Variants in STX11 observed in about 807,000 individuals in gnomAD.
STX11 encodes the protein syntaxin 11, also known as syntaxin-11.
In STX11, 21 loss-of-function variants were observed where a neutral mutation model predicts 19.9. The ratio of observed to expected loss-of-function variants is 1.06; its 90% CI spans 0.75 to 1.52. The LOEUF is 1.52. Among genes scored for constraint, STX11 ranks in the 40% most tolerant of loss-of-function variants. The probability of loss-of-function intolerance (pLI) is 0.00; values close to 1 mark genes in which losing one functional copy is unlikely to be tolerated. For synonymous variants in STX11, 193 were observed against 174.4 expected (o/e 1.11, Z -0.84); for missense variants, 438 against 405.9 (o/e 1.08, Z -0.68).
chr6:144,144,335 T>G, the STX11 span, among the ~76,000 whole-genome samples: 2 of 152,174 alleles, frequency 1.3e-5, no homozygotes, highest in Admixed American at 6.5e-5. Context: ...TATTTAAACA[T>G]GAAAATTAGA....
chr6:144,151,452 T>C lies in STX11; in HGVS notation c.-6+749T>C, dbSNP rs1424184104. On this transcript the variant is annotated intron_variant, in intron 1 of 1. Coordinates refer to ENST00000367568, the MANE Select transcript of STX11 (RefSeq NM_003764.4). The surrounding 1 kb of genome is among the most constrained non-coding windows in gnomAD (Gnocchi z 4.6). ...GGCTGCTCTCTTAATTGTGAGACTT[T>C]GTTAATGAACTTTTGAAAAGCGAGG... 3.4e-5 allele frequency: 33 copies of C among 984,080 alleles called. No individual in the cohort carries two copies. The highest frequency in any genetic ancestry group is 7.2e-6 in the Non-Finnish European group (6 of 828,818). 61.0% of individuals were successfully genotyped at this position (984,080 alleles called of 1,614,324 possible). A position where few individuals can be genotyped will look rare whatever the true frequency, so the allele number is the denominator to read the frequency against.
rs532794317 is a variant in STX11 at position 144,191,795 on chromosome 6, A to G, written c.*4304A>G. ...ATGGGGCTATTAGAAATGGAAAACGAATAGGATCTAGAATGTAACTTCATC... is the reference window on the plus strand; with the variant it reads ...ATGGGGCTATTAGAAATGGAAAACGGATAGGATCTAGAATGTAACTTCATC... On this transcript the variant is annotated 3_prime_UTR_variant, in exon 2 of 2. Transcript: ENST00000367568. 6.6e-6 allele frequency among the ~76,000 whole-genome samples: 1 copy of G among 152,356 alleles called. No individual in the cohort carries two copies. Among genetic ancestry groups the G allele is most frequent in the Non-Finnish European group, 1.5e-5 (1 of 68,030 alleles).
rs1801314136 is a variant in STX11, at chr6:144,160,761, T to C, written c.-6+10058T>C. On this transcript the variant is annotated intron_variant, in intron 1 of 1. Coordinates refer to ENST00000367568, the MANE Select transcript of STX11 (RefSeq NM_003764.4). This position sits in a 1 kb window ranked among gnomAD's most constrained non-coding sequence, Gnocchi z 4.3. The stretch of plus-strand genomic sequence containing the variant: ...AAACATATCCACACCATTCAGCATC[T>C]TGACCACAAAGACACCAAAAAAACT... Among the ~76,000 whole-genome samples, 1 of 152,182 alleles carries C rather than the reference T, an allele frequency of 6.6e-6. No homozygotes were observed. Among genetic ancestry groups the C allele is most frequent in the South Asian group, 2.1e-4 (1 of 4,834 alleles).
intron 1 of STX11, among the ~76,000 whole-genome samples, chr6:144,181,685 A>G (rs1464246484): frequency 6.6e-6 from 1 of 151,448 alleles, no homozygotes; most frequent in Non-Finnish European, 1.5e-5. Flanking sequence ...CCTGGAGATC[A>G]TCCTAGGCCT....
In STX11 at chr6:144,184,455, A is replaced by T. The variant is rs1304065222; in HGVS notation, c.-5-2168A>T. Among the ~76,000 whole-genome samples, 1 of 152,252 alleles carries T rather than the reference A, an allele frequency of 6.6e-6. No homozygotes were observed. Among genetic ancestry groups the T allele is most frequent in the African/African-American group, 2.4e-5 (1 of 41,470 alleles). ...AGTTCCCAGAATCCTTACCCATTTG[A>T]AAAAGTATTGTTTTTAAAAAATTCC... is the stretch of plus-strand genomic sequence containing the variant. On this transcript the variant is annotated intron_variant, in intron 1 of 1. Transcript: ENST00000367568. This position sits in a 1 kb window ranked among gnomAD's most constrained non-coding sequence, Gnocchi z 6.5.
rs1348484217 is a variant in STX11 at position 144,160,015 on chromosome 6, AT to A, written c.-6+9313del. On this transcript the variant is annotated intron_variant, in intron 1 of 1. Transcript: ENST00000367568. This position sits in a 1 kb window ranked among gnomAD's most constrained non-coding sequence, Gnocchi z 4.3. Reference sequence around the variant, plus strand: ...TGGCCAGTTCTTGTTTTTTAAAAAAATATTATGATTTTTGAGAGACTCTGTC... The same window carrying A: ...TGGCCAGTTCTTGTTTTTTAAAAAAAATTATGATTTTTGAGAGACTCTGTC... Among the ~76,000 whole-genome samples the A allele has an allele frequency of 6.6e-6, 1 of 152,044 alleles. No individual in the cohort carries two copies. Among genetic ancestry groups the A allele is most frequent in the African/African-American group, 2.4e-5 (1 of 41,392 alleles).
At position 144,155,904 on chromosome 6, in the gene STX11, C is replaced by A. The variant is rs936591240; in HGVS notation, c.-6+5201C>A. Among the ~76,000 whole-genome samples, 24 of 151,460 alleles carry A rather than the reference C, an allele frequency of 1.6e-4. No homozygotes were observed. Among genetic ancestry groups the A allele is most frequent in the African/African-American group, 5.3e-4 (22 of 41,164 alleles). On this transcript the variant is annotated intron_variant, in intron 1 of 1. Coordinates refer to ENST00000367568, the MANE Select transcript of STX11 (RefSeq NM_003764.4). The surrounding 1 kb of genome is among the most constrained non-coding windows in gnomAD (Gnocchi z 4.5). ...TTGTAGAATTGGTAATTTTCAGTTGCCCTTCTTGAGCTAATTAAATGTGTT... is the reference window on the plus strand; with the variant it reads ...TTGTAGAATTGGTAATTTTCAGTTGACCTTCTTGAGCTAATTAAATGTGTT...
At position 144,151,485 on chromosome 6, in the gene STX11, T is replaced by G. The variant is rs1412497034; in HGVS notation, c.-6+782T>G. 1.4e-5 allele frequency: 13 copies of G among 956,718 alleles called. No individual in the cohort carries two copies. The allele number at this position is 956,718 out of a possible 1,614,324, so 59.3% of individuals were successfully genotyped here. Reference sequence around the variant, plus strand: ...AACTTTTGAAAAGCGAGGCTTGCTTTAAAATGAGACTCTAGATGTGAAATG... The same window carrying G: ...AACTTTTGAAAAGCGAGGCTTGCTTGAAAATGAGACTCTAGATGTGAAATG... On this transcript the variant is annotated intron_variant, in intron 1 of 1. Transcript: ENST00000367568. This position sits in a 1 kb window ranked among gnomAD's most constrained non-coding sequence, Gnocchi z 4.6.
rs77525412 is a variant in STX11, at chr6:144,176,938, T to A, written c.-5-9685T>A. ...TTGATGATGTTGGATAACTCAGATA[T>A]TTCCGTACCTTGTGTAAAAGATATC... is the stretch of plus-strand genomic sequence containing the variant. On this transcript the variant is annotated intron_variant, in intron 1 of 1. Transcript: ENST00000367568. The surrounding 1 kb of genome is among the most constrained non-coding windows in gnomAD (Gnocchi z 4.1). 1.3e-5 allele frequency among the ~76,000 whole-genome samples: 2 copies of A among 152,242 alleles called. No homozygotes were observed. The highest frequency in any genetic ancestry group is 1.3e-4 in the Admixed American group (2 of 15,286).
chr6:144,173,979 G>A (rs4896701), intron 1 of STX11, among the ~76,000 whole-genome samples: 84,747 of 152,148 alleles, frequency 0.56, 26,773 homozygotes, highest in African/African-American at 0.87. Context: ...GCTGCTACCC[G>A]TTTTGGTGGT....
upstream of STX11, among the ~76,000 whole-genome samples, chr6:144,147,501 C>A (rs1473026805): frequency 1.3e-5 from 2 of 152,110 alleles, no homozygotes; most frequent in African/African-American, 2.4e-5. The surrounding 1 kb of genome is among the most constrained non-coding windows in gnomAD (Gnocchi z 4.2). Context: ...ATCTTCCTAA[C>A]CTCTGAACTT....
In STX11 at chr6:144,166,135, A is replaced by C. The variant is rs369020778; in HGVS notation, c.-6+15432A>C. Among the ~76,000 whole-genome samples, 5 of 152,338 alleles carry C rather than the reference A, an allele frequency of 3.3e-5. No individual in the cohort carries two copies. The East Asian group carries it at 9.6e-4, about 29-fold the overall frequency. On this transcript the variant is annotated intron_variant, in intron 1 of 1. Coordinates refer to ENST00000367568, the MANE Select transcript of STX11 (RefSeq NM_003764.4). ...CTTTTCACTGCGTGTTCTTGAATCT[A>C]ACTGAAAAACCTAACACAATCTACC...
rs1801055792 is a variant in STX11 at position 144,153,427 on chromosome 6, C to G, written c.-6+2724C>G. ...AGGTGACCCAGCAGAAGGAACAGCA[C>G]CCATAGAGAAGTGAAACAGCACTGG... is the stretch of plus-strand genomic sequence containing the variant. On this transcript the variant is annotated intron_variant, in intron 1 of 1. Coordinates refer to ENST00000367568, the MANE Select transcript of STX11 (RefSeq NM_003764.4). This position sits in a 1 kb window ranked among gnomAD's most constrained non-coding sequence, Gnocchi z 5.0. Among the ~76,000 whole-genome samples, 1 of 152,020 alleles carries G rather than the reference C, an allele frequency of 6.6e-6. No individual in the cohort carries two copies. Among genetic ancestry groups the G allele is most frequent in the Admixed American group, 6.6e-5 (1 of 15,262 alleles).
chr6:144,155,393 G>T lies in STX11; in HGVS notation c.-6+4690G>T, dbSNP rs7740095. On this transcript the variant is annotated intron_variant, in intron 1 of 1. Transcript: ENST00000367568. This position sits in a 1 kb window ranked among gnomAD's most constrained non-coding sequence, Gnocchi z 4.5. ...GTCTAAAGCTTGAAGTTTTAAAATA[G>T]TTTCTCCACACATGCATTGAATGTT... Among the ~76,000 whole-genome samples the T allele has an allele frequency of 0.089, 13,469 of 152,076 alleles. 1,703 individuals are homozygous for T. Among genetic ancestry groups the T allele is most frequent in the African/African-American group, 0.28 (11,599 of 41,378 alleles).
chr6:144,164,201 T>G (rs1264659544), intron 1 of STX11, among the ~76,000 whole-genome samples: 3 of 152,200 alleles, frequency 2.0e-5, no homozygotes. Context: ...GTCTGCCTTG[T>G]GAATATTACT....
In STX11 at chr6:144,187,894, A is replaced by G; in HGVS notation, c.*403A>G. 1 of 341,992 alleles carries G rather than the reference A, an allele frequency of 2.9e-6. No homozygotes were observed. Among genetic ancestry groups the G allele is most frequent in the South Asian group, 5.2e-5 (1 of 19,368 alleles). 21.2% of individuals were successfully genotyped at this position (341,992 alleles called of 1,614,324 possible). Reference sequence around the variant, plus strand: ...AGAATGAACTCATGATGGAAACTTCAGTTCATTTACTTTGTCCTGAAAATT... The same window carrying G: ...AGAATGAACTCATGATGGAAACTTCGGTTCATTTACTTTGTCCTGAAAATT... On this transcript the variant is annotated 3_prime_UTR_variant, in exon 2 of 2. Transcript: ENST00000367568. The surrounding 1 kb of genome is among the most constrained non-coding windows in gnomAD (Gnocchi z 5.6).
At chr6:144,142,355 T>C in the STX11 span, among the ~76,000 whole-genome samples, 2 of 152,130 alleles carry the variant, frequency 1.3e-5, no homozygotes, top group African/African-American at 2.4e-5. Context: ...TGTTGTCTTG[T>C]ATGTGAGTAA....
At chr6:144,140,897 T>G in the STX11 span, 1 of 628,266 alleles carries the variant, frequency 1.6e-6, no homozygotes, top group Non-Finnish European at 2.0e-6. Flanking sequence ...TACAAATGTT[T>G]AATGTATCTG....
intron 1 of STX11, among the ~76,000 whole-genome samples, chr6:144,156,222 A>G (rs903217363): frequency 1.3e-5 from 2 of 151,732 alleles, no homozygotes; most frequent in Non-Finnish European, 2.9e-5. Flanking sequence ...GCACCATCAC[A>G]CGTGGCTAAT....
Sources: allele counts gnomAD v4.1 joint callset (sites outside exome capture counted in the v4.1 genomes callset), GRCh38; gene constraint gnomAD v4.1.1; non-coding constraint Gnocchi (gnomAD v3.1); transcripts MANE v1.5; gene names NCBI Gene and HGNC (gene_info 2026-07-23, HGNC 2026-07-21).